The following ABLIM1 variants were observed in gnomAD, a reference collection of about 807,000 sequenced individuals.
ABLIM1 encodes the protein actin binding LIM protein 1, also known as actin-binding LIM protein 1.
In ABLIM1, 40 loss-of-function variants were observed where a neutral mutation model predicts 107.0. That is an observed-to-expected ratio of 0.37 (90% CI 0.29 to 0.49). The LOEUF is 0.49. Among genes scored for constraint, ABLIM1 ranks in the 20% least tolerant of loss-of-function variants. The probability of loss-of-function intolerance (pLI) is 0.97; values close to 1 mark genes in which losing one functional copy is unlikely to be tolerated. For missense variants in ABLIM1, 857 were observed against 1,008.5 expected (o/e 0.85, Z 2.04); for synonymous variants, 357 against 357.3 (o/e 1.00, Z 0.01).
chr10:114,646,217 C>A (rs910229557), intron 1 of ABLIM1, among the ~76,000 whole-genome samples: 13 of 152,210 alleles, frequency 8.5e-5, no homozygotes, highest in Middle Eastern at 3.4e-3. Context: ...TTTCCTCTTC[C>A]TGAATAACGT....
At chr10:114,667,407 T>C (rs148290651) in intron 1 of ABLIM1, among the ~76,000 whole-genome samples, 213 of 152,330 alleles carry the variant, frequency 1.4e-3, no homozygotes, top group African/African-American at 4.9e-3. Context: ...CTCCCTATTA[T>C]ATTATTTTGT....
chr10:114,661,778 A>G (rs767595549), upstream of ABLIM1, among the ~76,000 whole-genome samples: 1 of 152,148 alleles, frequency 6.6e-6, no homozygotes, highest in Non-Finnish European at 1.5e-5. Flanking sequence ...GTTCCACTGT[A>G]CCTACTCAAG....
At chr10:114,597,870 G>T (rs187298492) in intron 2 of ABLIM1, among the ~76,000 whole-genome samples, 102 of 152,310 alleles carry the variant, frequency 6.7e-4, no homozygotes, top group East Asian at 1.4e-3. Flanking sequence ...ACACTGGCAA[G>T]AATTTGGAGT....
chr10:114,565,890 G>A (rs967329935), intron 4 of ABLIM1, among the ~76,000 whole-genome samples: 1 of 140,724 alleles, frequency 7.1e-6, no homozygotes, highest in African/African-American at 2.6e-5. Flanking sequence ...CGCCTCCTGG[G>A]TTCACACCAT....
intron 22 of ABLIM1, 22 bp downstream of exon 22, chr10:114,437,822 G>A (rs1032781216): frequency 1.1e-5 from 17 of 1,606,828 alleles, no homozygotes; most frequent in African/African-American, 4.0e-5. Flanking sequence ...AGTTGGGACT[G>A]GATTTTTCGG....
intron 6 of ABLIM1, among the ~76,000 whole-genome samples, chr10:114,505,540 A>G (rs944283338): frequency 6.6e-6 from 1 of 152,216 alleles, no homozygotes; most frequent in Non-Finnish European, 1.5e-5. Flanking sequence ...TTTGGTGGGA[A>G]GGAATAGGGC....
In ABLIM1 at chr10:114,707,697, C is replaced by T. The variant is rs1454002977; in HGVS notation, c.-213+60364G>A. On this transcript the variant is annotated intron_variant, in intron 1 of 15. Coordinates refer to the ABLIM1 transcript ENST00000651092. This position sits in a 1 kb window ranked among gnomAD's most constrained non-coding sequence, Gnocchi z 4.1. ...GGCGGATCACTTAAGGCCAGGAGTT[C>T]GAGACCAACCTGGACAACATGGTGA... Among the ~76,000 whole-genome samples the T allele has an allele frequency of 2.6e-5, 4 of 151,936 alleles. No individual in the cohort carries two copies. The highest frequency in any genetic ancestry group is 7.3e-5 in the African/African-American group (3 of 41,360).
intron 1 of ABLIM1, among the ~76,000 whole-genome samples, chr10:114,665,241 AG>A (rs1262400384): frequency 1.3e-5 from 2 of 152,194 alleles, no homozygotes; most frequent in Non-Finnish European, 2.9e-5. Context: ...TCAGTCCACA[AG>A]GGGTGTGTCA....
intron 8 of ABLIM1, among the ~76,000 whole-genome samples, chr10:114,484,049 C>G (rs1402782861): frequency 6.6e-6 from 1 of 152,190 alleles, no homozygotes; most frequent in East Asian, 1.9e-4. Flanking sequence ...ATCAGTGGCC[C>G]CCTGACAACA....
chr10:114,755,444 A>AG lies in ABLIM1; in HGVS notation c.-213+12616dup, dbSNP rs112448479. ...CCAATTCTGAATATTTCAGATACCA[A>AG]GTGGAGGTCCAATATGGACTCTCTG... On this transcript the variant is annotated intron_variant, in intron 1 of 15. Transcript: ENST00000651092. Among the ~76,000 whole-genome samples the AG allele has an allele frequency of 5.7e-3, 867 of 152,310 alleles. 11 individuals are homozygous for AG. Among genetic ancestry groups the AG allele is most frequent in the African/African-American group, 0.019 (805 of 41,560 alleles).
At chr10:114,715,068 T>A (rs992591375) in intron 1 of ABLIM1, among the ~76,000 whole-genome samples, 1 of 152,074 alleles carries the variant, frequency 6.6e-6, no homozygotes, top group South Asian at 2.1e-4. Context: ...AGAAAGTACA[T>A]CTAAAATTTC....
intron 1 of ABLIM1, among the ~76,000 whole-genome samples, chr10:114,683,065 A>G (rs189618614): frequency 1.5e-3 from 221 of 152,352 alleles, no homozygotes; most frequent in Non-Finnish European, 1.9e-3. Flanking sequence ...ATGTATCAGG[A>G]ATACACGAAT....
intron 1 of ABLIM1, among the ~76,000 whole-genome samples, chr10:114,726,205 C>G (rs529390617): frequency 6.6e-6 from 1 of 151,848 alleles, no homozygotes; most frequent in African/African-American, 2.4e-5. Context: ...CAAAATGAAC[C>G]TGAGTAAGTA....
At chr10:114,491,012 G>GTGTATATATATATATATATATATATA in intron 7 of ABLIM1, among the ~76,000 whole-genome samples, 5 of 92,382 alleles carry the variant, frequency 5.4e-5, no homozygotes, top group Non-Finnish European at 5.9e-5. Context: ...GTGTGTGTGT[G>GTGTATATATATATATATATATATATA]TATATATATA....
At chr10:114,792,077 T>C in the ABLIM1 span, among the ~76,000 whole-genome samples, 4 of 152,218 alleles carry the variant, frequency 2.6e-5, no homozygotes, top group Admixed American at 6.5e-5. Context: ...TCCCAACATT[T>C]TGGGAGGCCA....
chr10:114,468,960 G>A (rs1020541832), intron 10 of ABLIM1, among the ~76,000 whole-genome samples: 1 of 151,118 alleles, frequency 6.6e-6, no homozygotes, highest in Non-Finnish European at 1.5e-5. Flanking sequence ...GCTGAGGCAG[G>A]AGAATGGCGT....
In ABLIM1 at chr10:114,718,055, AAG is replaced by A. The variant is rs1476795726; in HGVS notation, c.-213+50004_-213+50005del. On this transcript the variant is annotated intron_variant, in intron 1 of 15. Transcript: ENST00000651092. ...GGAGAAAGAGAAAGAGAAAGAAAGA[AAG>A]AAAGAAAGGAAGAAAGGAAGGAAGG... 7.5e-5 allele frequency among the ~76,000 whole-genome samples: 8 copies of A among 106,788 alleles called. 1 individual carries two copies. Among genetic ancestry groups the A allele is most frequent in the African/African-American group, 2.8e-4 (8 of 28,864 alleles). 70.1% of individuals were successfully genotyped at this position (106,788 alleles called of 152,430 possible). A position where few individuals can be genotyped will look rare whatever the true frequency, so the allele number is the denominator to read the frequency against.
At position 114,542,222 on chromosome 10, in the gene ABLIM1, A is replaced by C. The variant is rs768255302; in HGVS notation, c.894+2783T>G. On this transcript the variant is annotated intron_variant, in intron 6 of 22. Coordinates refer to ENST00000533213, the MANE Select transcript of ABLIM1 (RefSeq NM_002313.7). ...CCAGGAGTTAGAGACCAGCCTGGAC[A>C]ATAGAGTGAGACTCCCGTTCTTTAC... 8.6e-5 allele frequency among the ~76,000 whole-genome samples: 13 copies of C among 152,018 alleles called. No homozygotes were observed. The South Asian group carries it at 2.7e-3, about 32-fold the overall frequency.
intron 19 of ABLIM1, 76 bp from the exon 20 acceptor site, chr10:114,440,165 A>G (rs1161830408): frequency 1.4e-6 from 2 of 1,413,536 alleles, no homozygotes; most frequent in Non-Finnish European, 1.0e-6. Context: ...AGACTATATT[A>G]TATTGAAATT....
Sources: allele counts gnomAD v4.1 joint callset (sites outside exome capture counted in the v4.1 genomes callset), GRCh38; gene constraint gnomAD v4.1.1; non-coding constraint Gnocchi (gnomAD v3.1); transcripts MANE v1.5; gene names NCBI Gene and HGNC (gene_info 2026-07-23, HGNC 2026-07-21).